Variants in KHDRBS2 observed in about 807,000 individuals in gnomAD.
KHDRBS2 encodes the protein KH domain-containing, RNA-binding, signal transduction-associated protein 2.
In KHDRBS2, 26 loss-of-function variants were observed where a neutral mutation model predicts 44.3. The observed-to-expected ratio is 0.59, with a 90% CI of 0.43 to 0.81. The LOEUF is 0.81. KHDRBS2 is among the 40% of genes least tolerant of loss of function. KHDRBS2 has a pLI of 0.00. For missense variants in KHDRBS2, 476 were observed against 433.1 expected, an observed-to-expected ratio of 1.10 and a Z score of -0.88; for synonymous variants, 194 against 151.1, an observed-to-expected ratio of 1.28 and a Z score of -2.08.
At chr6:61,972,821 T>C (rs1475132704) in intron 4 of KHDRBS2, among the ~76,000 whole-genome samples, 1 of 152,206 alleles carries the variant, frequency 6.6e-6, no homozygotes, top group East Asian at 1.9e-4. Flanking sequence ...TTTAGTTGAA[T>C]ACATTGTTTT....
At chr6:61,965,219 C>A (rs1450308830) in intron 4 of KHDRBS2, among the ~76,000 whole-genome samples, 1 of 152,014 alleles carries the variant, frequency 6.6e-6, no homozygotes, top group African/African-American at 2.4e-5. Context: ...AATTTCAGGG[C>A]ACTTGAAACA....
chr6:62,198,603 C>T (rs1353201028), intron 1 of KHDRBS2, among the ~76,000 whole-genome samples: 1 of 152,026 alleles, frequency 6.6e-6, no homozygotes, highest in Admixed American at 6.6e-5. Flanking sequence ...AATACCTTAC[C>T]AACCAAAAAA....
intron 6 of KHDRBS2, among the ~76,000 whole-genome samples, chr6:61,734,480 G>A (rs1400595282): frequency 6.6e-6 from 1 of 151,828 alleles, no homozygotes; most frequent in Non-Finnish European, 1.5e-5. Context: ...AAGTAATATA[G>A]CTAAGTTATT....
intron 2 of KHDRBS2, among the ~76,000 whole-genome samples, chr6:62,133,944 G>A (rs892311901): frequency 6.6e-6 from 1 of 152,144 alleles, no homozygotes; most frequent in Non-Finnish European, 1.5e-5. Context: ...GCTGTAAAAA[G>A]CATTCAGTTT....
At chr6:62,109,143 A>C (rs1368237329) in intron 2 of KHDRBS2, among the ~76,000 whole-genome samples, 1 of 151,886 alleles carries the variant, frequency 6.6e-6, no homozygotes, top group Non-Finnish European at 1.5e-5. Flanking sequence ...AAGGTTGAAC[A>C]AGGGACGGTT....
chr6:61,793,568 T>G (rs1375181942), intron 6 of KHDRBS2, among the ~76,000 whole-genome samples: 2 of 152,088 alleles, frequency 1.3e-5, no homozygotes, highest in African/African-American at 2.4e-5. Flanking sequence ...TAATGCTTTA[T>G]TTTTTCAAAA....
At chr6:62,021,924 GTATA>G (rs10547508) in intron 3 of KHDRBS2, among the ~76,000 whole-genome samples, 17 of 145,986 alleles carry the variant, frequency 1.2e-4, no homozygotes, top group African/African-American at 1.3e-4. Context: ...GGTTTTTTGT[GTATA>G]TATATATATA....
intron 6 of KHDRBS2, among the ~76,000 whole-genome samples, chr6:61,869,085 G>A (rs935138324): frequency 7.9e-5 from 12 of 152,094 alleles, no homozygotes; most frequent in Non-Finnish European, 4.4e-5. Flanking sequence ...GGGGAGGGGG[G>A]TTCCCTTGCG....
chr6:62,051,401 AT>A (rs1473043659), intron 2 of KHDRBS2, among the ~76,000 whole-genome samples: 1 of 151,980 alleles, frequency 6.6e-6, no homozygotes, highest in Non-Finnish European at 1.5e-5. Context: ...TAAAGGTCCA[AT>A]TTCATTCTTT....
Position 62,098,594 on chromosome 6 carries a change from G to C in KHDRBS2, c.220-50600C>G, listed in dbSNP as rs73489274. On this transcript the variant is annotated intron_variant, in intron 2 of 8. Transcript: ENST00000281156. ...AATCCTATCTTTGTCTTCGACCTTT[G>C]AGAGATCAATTATGATATGTCTTGG... is the stretch of plus-strand genomic sequence containing the variant. Among the ~76,000 whole-genome samples, 1,245 of 152,192 alleles carry C rather than the reference G, an allele frequency of 8.2e-3. 16 individuals are homozygous for C. The highest frequency in any genetic ancestry group is 0.029 in the African/African-American group (1,205 of 41,528).
intron 4 of KHDRBS2, among the ~76,000 whole-genome samples, chr6:61,902,801 T>C (rs1467425580): frequency 6.6e-6 from 1 of 152,154 alleles, no homozygotes; most frequent in East Asian, 1.9e-4. Context: ...TGTGTGGTAT[T>C]GATGAAGACT....
At chr6:61,914,214 T>C (rs191980426) in intron 4 of KHDRBS2, among the ~76,000 whole-genome samples, 2 of 152,146 alleles carry the variant, frequency 1.3e-5, no homozygotes, top group East Asian at 3.9e-4. Context: ...CATTAGATCA[T>C]TGCTGATGGA....
At chr6:61,782,707 A>G (rs1415865621) in intron 6 of KHDRBS2, among the ~76,000 whole-genome samples, 1,945 of 82,612 alleles carry the variant, frequency 0.024, 112 homozygotes, top group African/African-American at 0.081. Context: ...ATATATATAT[A>G]TATATATATA....
chr6:61,939,401 T>C (rs1811696996), intron 4 of KHDRBS2, among the ~76,000 whole-genome samples: 2 of 152,196 alleles, frequency 1.3e-5, no homozygotes, highest in African/African-American at 4.8e-5. Context: ...TATTTTTAAT[T>C]TTCTGCTTAC....
At chr6:61,725,670 A>G (rs1343880921) in intron 7 of KHDRBS2, among the ~76,000 whole-genome samples, 1 of 152,184 alleles carries the variant, frequency 6.6e-6, no homozygotes, top group African/African-American at 2.4e-5. Flanking sequence ...AAACACCTCT[A>G]TGCACATAAA....
At chr6:62,272,683 C>G (rs1226689313) in intron 1 of KHDRBS2, among the ~76,000 whole-genome samples, 1 of 152,090 alleles carries the variant, frequency 6.6e-6, no homozygotes, top group African/African-American at 2.4e-5. Flanking sequence ...GCCAAAATGT[C>G]AGTAAGAATT....
At chr6:61,922,086 G>A (rs73489411) in intron 4 of KHDRBS2, among the ~76,000 whole-genome samples, 1,574 of 151,776 alleles carry the variant, frequency 0.01, 28 homozygotes, top group African/African-American at 0.037. Context: ...TTTTTGAATT[G>A]CTTATCTATA....
chr6:62,075,155 T>G (rs1228946338), intron 2 of KHDRBS2, among the ~76,000 whole-genome samples: 1 of 151,896 alleles, frequency 6.6e-6, no homozygotes, highest in Non-Finnish European at 1.5e-5. Context: ...AAAATTCATA[T>G]GTTGAAACCT....
chr6:61,898,414 G>C lies in KHDRBS2; in HGVS notation c.611+2830C>G, dbSNP rs1803325803. Among the ~76,000 whole-genome samples, 3 of 151,840 alleles carry C rather than the reference G, an allele frequency of 2.0e-5. 1 individual carries two copies. The highest frequency in any genetic ancestry group is 2.0e-4 in the Admixed American group (3 of 15,230). On this transcript the variant is annotated intron_variant, in intron 5 of 8. Transcript: ENST00000281156. ...TTAATGTTTTATTGTAAGTCTCTAA[G>C]TGATTATTGTATTAATTAAATTGTA...
Sources: gnomAD v4.1 joint callset for allele counts (sites outside exome capture counted in the v4.1 genomes callset) on GRCh38, gnomAD v4.1.1 for gene constraint, MANE v1.5 for transcripts, NCBI Gene and HGNC (gene_info 2026-07-23, HGNC 2026-07-21) for gene names.